RPL39: variants seen among roughly 807,000 people sequenced by gnomAD.
The protein encoded by RPL39 is ribosomal protein L39, also known as large ribosomal subunit protein eL39.
For synonymous variants in RPL39, 8 were observed against 11.4 expected (o/e 0.70, Z 0.60); for missense variants, 6 against 37.2 (o/e 0.16, Z 2.18).
intron 2 of RPL39, among the ~76,000 whole-genome samples, chrX:119,787,646 GTTTTACATACA>G (rs987089533): frequency 3.6e-5 from 4 of 111,130 alleles, no homozygotes; most frequent in African/African-American, 1.3e-4. Context: ...TAGGCGTTGA[GTTTTACATACA>G]TTTTTCTTTT....
At chrX:119,787,574 G>A (rs1377919137) in intron 2 of RPL39, 5 of 304,350 alleles carry the variant, frequency 1.6e-5, no homozygotes, top group Admixed American at 3.5e-5. Flanking sequence ...ATAATCTTAC[G>A]TACAAAATAC....
intron 1 of RPL39, chrX:119,790,669 T>A (rs2055695036): frequency 8.9e-6 from 1 of 111,877 alleles, no homozygotes; most frequent in South Asian, 3.7e-4. Flanking sequence ...CAAGGATGAC[T>A]GTCTCAATTT....
intron 2 of RPL39, among the ~76,000 whole-genome samples, chrX:119,788,481 A>C (rs1326299658): frequency 3.7e-5 from 4 of 109,584 alleles, no homozygotes; most frequent in African/African-American, 1.3e-4. Flanking sequence ...CGGTAAGCCA[A>C]GATCACACCA....
intron 1 of RPL39, chrX:119,790,549 C>G (rs2055694329): frequency 8.9e-6 from 1 of 112,490 alleles, no homozygotes; most frequent in East Asian, 2.8e-4. Flanking sequence ...TTCAGAAGAT[C>G]TAACCTACTC....
chrX:119,790,090 A>G, intron 1 of RPL39, 79 bp from the exon 2 acceptor site: 1 of 582,656 alleles, frequency 1.7e-6, no homozygotes, highest in East Asian at 3.3e-5. Context: ...CTTCAAACCA[A>G]CATTTGAGTG....
chrX:119,787,508 G>A (rs1169633830), intron 2 of RPL39: 1 of 371,192 alleles, frequency 2.7e-6, no homozygotes, highest in Non-Finnish European at 5.2e-6. Flanking sequence ...AACGCTGGAA[G>A]ATAGCTAAAA....
At chrX:119,788,749 CCCTT>C (rs1238777939) in intron 2 of RPL39, among the ~76,000 whole-genome samples, 1 of 110,611 alleles carries the variant, frequency 9.0e-6, no homozygotes, top group African/African-American at 3.3e-5. Context: ...TCTTGATGCT[CCCTT>C]CAAAACCTGT....
chrX:119,786,751 C>T lies in RPL39; in HGVS notation c.108-19G>A. The T allele has an allele frequency of 1.7e-6, 2 of 1,188,572 alleles. No individual in the cohort carries two copies. The highest frequency in any genetic ancestry group is 2.3e-6 in the Non-Finnish European group (2 of 875,926). On this transcript the variant is annotated intron_variant, in intron 2 of 2. Coordinates refer to ENST00000361575, the MANE Select transcript of RPL39 (RefSeq NM_001000.4). ...GTTGTACCTACACAGAAAAAAATGTCAAGTTACAAAGGCAGTCTGACAGCA... is the reference window on the plus strand; with the variant it reads ...GTTGTACCTACACAGAAAAAAATGTTAAGTTACAAAGGCAGTCTGACAGCA...
chrX:119,786,810 T>TTATGTGA, intron 2 of RPL39, 78 bp from the exon 3 acceptor site: 1 of 747,658 alleles, frequency 1.3e-6, no homozygotes, highest in Non-Finnish European at 2.1e-6. Flanking sequence ...ACCTTTTAGG[T>TTATGTGA]ACCACAAAAT....
intron 1 of RPL39, chrX:119,790,917 C>G (rs1396005651): frequency 9.0e-6 from 1 of 111,508 alleles, no homozygotes; most frequent in Non-Finnish European, 1.9e-5. Flanking sequence ...TAATAAAATA[C>G]CAGTACTTAT....
intron 1 of RPL39, chrX:119,790,681 T>C (rs1462621645): frequency 1.8e-5 from 2 of 111,916 alleles, no homozygotes; most frequent in African/African-American, 3.2e-5. Context: ...TCTCAATTTC[T>C]AGTTGCATCT....
At chrX:119,787,035 TAC>T (rs768281691) in intron 2 of RPL39, among the ~76,000 whole-genome samples, 35 of 111,879 alleles carry the variant, frequency 3.1e-4, no homozygotes, top group Non-Finnish European at 7.5e-5. Flanking sequence ...GACCTGGAGG[TAC>T]ACAGACATAC....
In RPL39 at chrX:119,789,309, C is replaced by A. The variant is rs144071173; in HGVS notation, c.107+599G>T. On this transcript the variant is annotated intron_variant, in intron 2 of 2. Transcript: ENST00000361575. Reference sequence around the variant, plus strand: ...CAATGGCTTATGCCTGTAATCCCAGCACTTTGGGAAGCCGAGAGGGGCAGA... The same window carrying A: ...CAATGGCTTATGCCTGTAATCCCAGAACTTTGGGAAGCCGAGAGGGGCAGA... Among the ~76,000 whole-genome samples, 14 of 112,345 alleles carry A rather than the reference C, an allele frequency of 1.2e-4. No individual in the cohort carries two copies. The East Asian group carries it at 3.9e-3, about 31-fold the overall frequency.
At position 119,786,738 on chromosome X, in the gene RPL39, C is replaced by T; in HGVS notation, c.108-6G>A. On this transcript the variant is annotated splice_polypyrimidine_tract_variant and splice_region_variant and intron_variant, in intron 2 of 2. Coordinates refer to ENST00000361575, the MANE Select transcript of RPL39 (RefSeq NM_001000.4). ...GTCTCCTTTTGGAGTTGTACCTACACAGAAAAAAATGTCAAGTTACAAAGG... is the reference window on the plus strand; with the variant it reads ...GTCTCCTTTTGGAGTTGTACCTACATAGAAAAAAATGTCAAGTTACAAAGG... The T allele has an allele frequency of 1.7e-6, 2 of 1,202,086 alleles. No homozygotes were observed. The highest frequency in any genetic ancestry group is 2.3e-6 in the Non-Finnish European group (2 of 888,329).
intron 1 of RPL39, 199 bp from the exon 2 acceptor site, chrX:119,790,210 C>T: frequency 2.8e-6 from 1 of 363,425 alleles, no homozygotes; most frequent in South Asian, 5.7e-5. Flanking sequence ...TTCCATCGTT[C>T]AGATAAAATA....
intron 2 of RPL39, among the ~76,000 whole-genome samples, chrX:119,788,986 TA>T (rs2055683749): frequency 8.9e-6 from 1 of 112,322 alleles, no homozygotes; most frequent in African/African-American, 3.2e-5. Flanking sequence ...AAGACTGGGC[TA>T]GGTGTGATGG....
Position 119,788,882 on chromosome X carries a change from T to C in RPL39, c.107+1026A>G, listed in dbSNP as rs193182560. ...CCTTGGAGGTCCTTCATAGCAATTC[T>C]AGTAATGTTTTTCCTTTGAGATCAA... is the stretch of plus-strand genomic sequence containing the variant. On this transcript the variant is annotated intron_variant, in intron 2 of 2. Coordinates refer to ENST00000361575, the MANE Select transcript of RPL39 (RefSeq NM_001000.4). Among the ~76,000 whole-genome samples the C allele has an allele frequency of 4.7e-4, 53 of 112,446 alleles. No homozygotes were observed. The East Asian group carries it at 9.5e-3, about 20-fold the overall frequency.
chrX:119,786,636 G>A lies in RPL39; in HGVS notation c.*48C>T, dbSNP rs201000480. The stretch of plus-strand genomic sequence containing the variant: ...TTCAGCTTGATATGGTAACATGATC[G>A]TGACCTTCAGACAGCATAAATATGT... On this transcript the variant is annotated 3_prime_UTR_variant, in exon 3 of 3. Transcript: ENST00000361575. 2,098 of 966,211 alleles carry A rather than the reference G, an allele frequency of 2.2e-3. 6 individuals are homozygous for A. Among genetic ancestry groups the A allele is most frequent in the Non-Finnish European group, 2.6e-3 (1,773 of 685,794 alleles). 79.6% of individuals were successfully genotyped at this position (966,211 alleles called of 1,213,427 possible).
chrX:119,788,306 C>T (rs1467092472), intron 2 of RPL39, among the ~76,000 whole-genome samples: 2 of 111,126 alleles, frequency 1.8e-5, no homozygotes, highest in Non-Finnish European at 3.8e-5. Flanking sequence ...GGCAGAGGCG[C>T]GTGAATCACG....
Sources: gnomAD v4.1 joint callset for allele counts (sites outside exome capture counted in the v4.1 genomes callset) on GRCh38, gnomAD v4.1.1 for gene constraint, MANE v1.5 for transcripts, NCBI Gene and HGNC (gene_info 2026-07-23, HGNC 2026-07-21) for gene names.